KCNMB2: variants seen among roughly 807,000 people sequenced by gnomAD.
KCNMB2 encodes the protein calcium-activated potassium channel subunit beta-2.
In KCNMB2, 9 loss-of-function variants were observed where a neutral mutation model predicts 24.5. The observed-to-expected ratio is 0.37, with a 90% CI of 0.22 to 0.64. The LOEUF (loss-of-function observed/expected upper bound fraction) is 0.64. Ranked by LOEUF, KCNMB2 falls within the 30% of genes least tolerant of loss-of-function variation. The pLI is 0.63. For synonymous variants in KCNMB2, 109 were observed against 104.4 expected (o/e 1.04, Z -0.27); for missense variants, 226 against 284.3 (o/e 0.79, Z 1.47).
At chr3:178,739,115 A>C (rs1176855660) in intron 1 of KCNMB2, among the ~76,000 whole-genome samples, 4 of 148,268 alleles carry the variant, frequency 2.7e-5, no homozygotes, top group Admixed American at 6.8e-5. Flanking sequence ...AAAAAAAAAA[A>C]CATGTATATC....
intron 1 of KCNMB2, among the ~76,000 whole-genome samples, chr3:178,662,304 G>A (rs1446726286): frequency 6.6e-6 from 1 of 152,030 alleles, no homozygotes; most frequent in African/African-American, 2.4e-5. Context: ...ACTATTCAAG[G>A]AGCCATGTCA....
chr3:178,830,390 G>T (rs576992720), intron 4 of KCNMB2, among the ~76,000 whole-genome samples: 3 of 152,082 alleles, frequency 2.0e-5, no homozygotes, highest in African/African-American at 7.2e-5. Flanking sequence ...TATAGTTTGG[G>T]ACTACTACAA....
intron 3 of KCNMB2, among the ~76,000 whole-genome samples, chr3:178,826,622 G>C (rs1714844827): frequency 6.6e-6 from 1 of 152,274 alleles, no homozygotes; most frequent in Middle Eastern, 3.4e-3. Context: ...ATCGAATGAA[G>C]TCTCACAGCA....
rs540952392 is a variant in KCNMB2 at position 178,700,040 on chromosome 3, G to C, written c.-67-107303G>C. ...GTGCCTTTCCTCTGAAGATCTGAAA[G>C]TTCTGGCCTTTTTCCAGCAGCTCTA... On this transcript the variant is annotated intron_variant, in intron 1 of 4. Coordinates refer to ENST00000452583, the MANE Select transcript of KCNMB2 (RefSeq NM_181361.3). Among the ~76,000 whole-genome samples the C allele has an allele frequency of 2.0e-5, 3 of 152,322 alleles. No individual in the cohort carries two copies. The East Asian group carries it at 5.8e-4, about 29-fold the overall frequency.
rs567464408 is a variant in KCNMB2 at position 178,568,739 on chromosome 3, AAGATGATAGATAGAT to A, written c.-68+32063_-68+32077del. Among the ~76,000 whole-genome samples the A allele has an allele frequency of 2.6e-3, 388 of 147,446 alleles. 6 individuals are homozygous for A. Among genetic ancestry groups the A allele is most frequent in the East Asian group, 0.012 (62 of 5,146 alleles). On this transcript the variant is annotated intron_variant, in intron 1 of 4. Coordinates refer to ENST00000452583, the MANE Select transcript of KCNMB2 (RefSeq NM_181361.3). ...ACCTGGAATGTGTAGAGAAATCTTT[AAGATGATAGATAGAT>A]AGATGATAGATAGATAGATGATAGA...
chr3:178,622,214 G>A (rs575215956), intron 1 of KCNMB2, among the ~76,000 whole-genome samples: 1 of 152,296 alleles, frequency 6.6e-6, no homozygotes, highest in Admixed American at 6.5e-5. Context: ...ATCTGTAAGA[G>A]GTTGAGAATG....
intron 1 of KCNMB2, among the ~76,000 whole-genome samples, chr3:178,780,109 T>C (rs1323448495): frequency 1.3e-5 from 2 of 151,800 alleles, no homozygotes; most frequent in Non-Finnish European, 2.9e-5. Flanking sequence ...ATTTGCTGTA[T>C]TTCTATTCAT....
chr3:178,788,030 T>C (rs1269446437), intron 1 of KCNMB2, among the ~76,000 whole-genome samples: 2 of 152,146 alleles, frequency 1.3e-5, no homozygotes, highest in East Asian at 1.9e-4. Flanking sequence ...CACATTTTCA[T>C]GTCTATTGTT....
intron 1 of KCNMB2, among the ~76,000 whole-genome samples, chr3:178,634,126 T>G (rs1026375728): frequency 6.6e-6 from 1 of 152,236 alleles, no homozygotes; most frequent in Non-Finnish European, 1.5e-5. Context: ...TCCTGTCTTC[T>G]GAGCCCTCCA....
chr3:178,678,358 C>T (rs1481770604), intron 1 of KCNMB2, among the ~76,000 whole-genome samples: 1 of 152,134 alleles, frequency 6.6e-6, no homozygotes, highest in African/African-American at 2.4e-5. Flanking sequence ...ATCTTATTGC[C>T]ACAAAGAGCC....
At chr3:178,627,663 A>G (rs1429902122) in intron 1 of KCNMB2, among the ~76,000 whole-genome samples, 1 of 152,206 alleles carries the variant, frequency 6.6e-6, no homozygotes, top group African/African-American at 2.4e-5. Context: ...TTAAGGTCAC[A>G]GGAAAAAAGA....
intron 1 of KCNMB2, among the ~76,000 whole-genome samples, chr3:178,681,623 T>C (rs1468570521): frequency 1.2e-4 from 19 of 152,212 alleles, no homozygotes; most frequent in Non-Finnish European, 2.6e-4. Context: ...GGTTAAGTAA[T>C]TTGTCCAAGG....
At chr3:178,731,108 A>G (rs1416394536) in intron 1 of KCNMB2, among the ~76,000 whole-genome samples, 2 of 152,048 alleles carry the variant, frequency 1.3e-5, no homozygotes, top group African/African-American at 2.4e-5. Flanking sequence ...AAGGGAAAAG[A>G]AAGAAAAAAA....
At chr3:178,627,202 ATTCT>A (rs1719152464) in intron 1 of KCNMB2, among the ~76,000 whole-genome samples, 2 of 152,154 alleles carry the variant, frequency 1.3e-5, no homozygotes, top group Non-Finnish European at 2.9e-5. Flanking sequence ...AAAAGTTGAA[ATTCT>A]TTAATTTCAT....
intron 2 of KCNMB2, among the ~76,000 whole-genome samples, chr3:178,823,114 G>A (rs951062795): frequency 2.6e-5 from 4 of 152,162 alleles, no homozygotes; most frequent in African/African-American, 4.8e-5. Flanking sequence ...AGCTGCTAAC[G>A]GACACTGATT....
intron 1 of KCNMB2, among the ~76,000 whole-genome samples, chr3:178,571,276 GT>G (rs1448712624): frequency 1.3e-5 from 2 of 149,828 alleles, no homozygotes; most frequent in African/African-American, 4.9e-5. Context: ...TTTTGTTGTT[GT>G]TGTTGTTCTT....
At chr3:178,757,982 A>G (rs1724218835) in intron 1 of KCNMB2, among the ~76,000 whole-genome samples, 1 of 61,120 alleles carries the variant, frequency 1.6e-5, no homozygotes, top group African/African-American at 7.5e-5. Flanking sequence ...TAGACACAAG[A>G]GGATATATAT....
At chr3:178,837,686 ACAAT>A (rs1310421706) in intron 4 of KCNMB2, among the ~76,000 whole-genome samples, 3 of 152,166 alleles carry the variant, frequency 2.0e-5, no homozygotes, top group Admixed American at 2.0e-4. Flanking sequence ...CTGAGGTCCC[ACAAT>A]CAATCAAGTA....
At chr3:178,757,039 A>C (rs1724079729) in intron 1 of KCNMB2, 1 of 151,612 alleles carries the variant, frequency 6.6e-6, no homozygotes, top group Non-Finnish European at 1.5e-5. Flanking sequence ...ATATATATGT[A>C]TATTTCAGAG....
Sources: allele counts gnomAD v4.1 joint callset (sites outside exome capture counted in the v4.1 genomes callset), GRCh38; gene constraint gnomAD v4.1.1; transcripts MANE v1.5; gene names NCBI Gene and HGNC (gene_info 2026-07-23, HGNC 2026-07-21).